Variants in ODF2L observed in about 807,000 individuals in gnomAD.
ODF2L encodes the protein protein BCAP.
ODF2L carries 76 observed loss-of-function variants against 86.3 expected under a neutral mutation model. That is an observed-to-expected ratio of 0.88 (90% CI 0.73 to 1.07). ODF2L has a LOEUF of 1.07. Among genes scored for constraint, ODF2L ranks in the 50% least tolerant of loss-of-function variants. ODF2L has a pLI of 0.00. For missense variants in ODF2L, 748 were observed against 717.4 expected, an observed-to-expected ratio of 1.04 and a Z score of -0.49; for synonymous variants, 241 against 231.3, an observed-to-expected ratio of 1.04 and a Z score of -0.38.
intron 1 of ODF2L, among the ~76,000 whole-genome samples, chr1:86,393,615 T>G (rs557420899): frequency 6.6e-6 from 1 of 152,362 alleles, no homozygotes; most frequent in East Asian, 1.9e-4. Context: ...GACTGTTCTG[T>G]AAACACGGCA....
At chr1:86,374,478 C>T (rs928226390) in intron 8 of ODF2L, among the ~76,000 whole-genome samples, 1 of 152,048 alleles carries the variant, frequency 6.6e-6, no homozygotes, top group Non-Finnish European at 1.5e-5. Context: ...AGAAATGGCA[C>T]ATCTAAGCCA....
chr1:86,385,645 C>G, intron 2 of ODF2L, 55 bp from the exon 3 acceptor site: 1 of 1,419,642 alleles, frequency 7.0e-7, no homozygotes, highest in Non-Finnish European at 9.9e-7. Context: ...TTTAAAGATG[C>G]TCCTCAGAAA....
chr1:86,368,665 C>T, exon 11 of ODF2L: 1 of 1,447,614 alleles, frequency 6.9e-7, no homozygotes, highest in Non-Finnish European at 9.2e-7. Flanking sequence ...CAAAGCATAT[C>T]AAGAACAATC....
chr1:86,347,891 A>C (rs2100643725), downstream of ODF2L: 1 of 152,246 alleles, frequency 6.6e-6, no homozygotes, highest in South Asian at 2.1e-4. Context: ...GTTCTTTTTC[A>C]ACTTGGACAA....
At chr1:86,360,949 G>C (rs1160106322) in intron 11 of ODF2L, 3 of 152,288 alleles carry the variant, frequency 2.0e-5, no homozygotes, top group Non-Finnish European at 4.4e-5. Flanking sequence ...TTAACTATTA[G>C]GAAAAAAACA....
intron 7 of ODF2L, 198 bp downstream of exon 7, chr1:86,382,044 G>C: frequency 1.7e-6 from 1 of 595,532 alleles, no homozygotes; most frequent in African/African-American, 1.9e-5. Context: ...ATTAAACAGA[G>C]ACAGCATTTT....
intron 6 of ODF2L, 142 bp from the exon 7 acceptor site, chr1:86,382,500 C>A: frequency 7.3e-7 from 1 of 1,374,894 alleles, no homozygotes; most frequent in Non-Finnish European, 9.6e-7. Flanking sequence ...AAACTGCCGC[C>A]CCTATTACAA....
intron 7 of ODF2L, among the ~76,000 whole-genome samples, chr1:86,380,262 T>C (rs1196616287): frequency 1.3e-5 from 2 of 152,162 alleles, no homozygotes; most frequent in Non-Finnish European, 2.9e-5. Flanking sequence ...TTAAGAAGTA[T>C]ATATTAAGAT....
At chr1:86,390,363 T>C (rs1661235244) in intron 1 of ODF2L, among the ~76,000 whole-genome samples, 1 of 152,024 alleles carries the variant, frequency 6.6e-6, no homozygotes, top group South Asian at 2.1e-4. Context: ...GAGGTTGCAG[T>C]GAGCCACGAC....
intron 10 of ODF2L, among the ~76,000 whole-genome samples, chr1:86,369,888 T>C (rs1659679098): frequency 1.3e-5 from 2 of 152,110 alleles, no homozygotes. Flanking sequence ...ATCAGAAAAA[T>C]AATCTTTTAA....
exon 11 of ODF2L, chr1:86,368,643 G>C: frequency 7.0e-7 from 1 of 1,431,384 alleles, no homozygotes; most frequent in African/African-American, 1.4e-5. Context: ...TACCTTTTCA[G>C]AAGAAATGTA....
intron 1 of ODF2L, among the ~76,000 whole-genome samples, chr1:86,391,673 A>G (rs1229902282): frequency 6.6e-6 from 1 of 152,188 alleles, no homozygotes; most frequent in Non-Finnish European, 1.5e-5. Context: ...ACAAAAATCA[A>G]CGCAAGATGG....
At chr1:86,365,795 C>T (rs1419003027) in intron 11 of ODF2L, among the ~76,000 whole-genome samples, 1 of 152,100 alleles carries the variant, frequency 6.6e-6, no homozygotes, top group African/African-American at 2.4e-5. Flanking sequence ...TAGAGAGGCA[C>T]AGGGCTAAAG....
At chr1:86,364,621 G>GA (rs1352568298) in intron 11 of ODF2L, among the ~76,000 whole-genome samples, 2 of 152,150 alleles carry the variant, frequency 1.3e-5, no homozygotes, top group Non-Finnish European at 2.9e-5. Context: ...AGTCATATGG[G>GA]AATTTTGGGG....
chr1:86,375,649 G>C (rs921760694), intron 8 of ODF2L, among the ~76,000 whole-genome samples: 1 of 152,084 alleles, frequency 6.6e-6, no homozygotes, highest in Non-Finnish European at 1.5e-5. Flanking sequence ...ATTTTACTTG[G>C]TGTGTTTATG....
At chr1:86,393,384 GAA>G (rs71741271) in intron 1 of ODF2L, among the ~76,000 whole-genome samples, 40 of 140,480 alleles carry the variant, frequency 2.8e-4, no homozygotes, top group Admixed American at 3.5e-4. Context: ...GTAATTGTAT[GAA>G]AAAAAAAAAA....
At chr1:86,384,838 C>T (rs755296904) in intron 3 of ODF2L, 37 bp from the exon 4 acceptor site, 8 of 1,443,254 alleles carry the variant, frequency 5.5e-6, no homozygotes, top group Non-Finnish European at 6.4e-6. Flanking sequence ...CATTTTAAGA[C>T]ACAGCATTAA....
intron 7 of ODF2L, among the ~76,000 whole-genome samples, chr1:86,379,232 A>C (rs765770341): frequency 6.6e-6 from 1 of 152,180 alleles, no homozygotes; most frequent in Non-Finnish European, 1.5e-5. Context: ...TAAACTATGC[A>C]GTCTCAGGCA....
At chr1:86,356,057 C>A in intron 14 of ODF2L, 2 of 217,408 alleles carry the variant, frequency 9.2e-6, no homozygotes, top group Middle Eastern at 4.7e-4. Flanking sequence ...TGAAAAATAT[C>A]CCAAAAAACT....
Sources: gnomAD v4.1 joint callset for allele counts (sites outside exome capture counted in the v4.1 genomes callset) on GRCh38, gnomAD v4.1.1 for gene constraint, MANE v1.5 for transcripts, NCBI Gene and HGNC (gene_info 2026-07-23, HGNC 2026-07-21) for gene names.